SYNPO2: variants seen among roughly 807,000 people sequenced by gnomAD.
The protein encoded by SYNPO2 is synaptopodin 2.
A neutral mutation model predicts 85.0 loss-of-function variants in SYNPO2; 56 were observed. That is an observed-to-expected ratio of 0.66 (90% confidence interval 0.53 to 0.82). The LOEUF is 0.82. Ranked by LOEUF, SYNPO2 falls within the 40% of genes least tolerant of loss-of-function variation. The pLI, the probability that SYNPO2 is intolerant of heterozygous loss-of-function variation, is 0.00. For synonymous variants in SYNPO2, 602 were observed against 591.1 expected, an observed-to-expected ratio of 1.02 and a Z score of -0.27; for missense variants, 1,575 against 1,534.2, an observed-to-expected ratio of 1.03 and a Z score of -0.44.
intron 1 of SYNPO2, among the ~76,000 whole-genome samples, chr4:118,898,459 A>C (rs1236404183): frequency 6.6e-6 from 1 of 152,164 alleles, no homozygotes; most frequent in Non-Finnish European, 1.5e-5. Context: ...CACTGCTTAA[A>C]ATACTTCAAA....
At chr4:118,975,097 C>G (rs2149158822) in intron 1 of SYNPO2, among the ~76,000 whole-genome samples, 1 of 152,324 alleles carries the variant, frequency 6.6e-6, no homozygotes, top group South Asian at 2.1e-4. Flanking sequence ...GTCACACACA[C>G]CTTGCACCCA....
chr4:118,972,615 C>T (rs1052740427), intron 1 of SYNPO2, among the ~76,000 whole-genome samples: 4 of 152,130 alleles, frequency 2.6e-5, no homozygotes, highest in Admixed American at 2.6e-4. Context: ...GCAAATTTGT[C>T]TCTTAGGTGC....
chr4:118,979,345 A>C (rs992189293), intron 1 of SYNPO2, among the ~76,000 whole-genome samples: 8 of 152,192 alleles, frequency 5.3e-5, no homozygotes, highest in African/African-American at 1.9e-4. Context: ...TCACCTACAA[A>C]AGTCTTTGTA....
At chr4:118,908,920 A>T (rs577210072) in intron 1 of SYNPO2, among the ~76,000 whole-genome samples, 1 of 152,276 alleles carries the variant, frequency 6.6e-6, no homozygotes, top group African/African-American at 2.4e-5. Flanking sequence ...TTCCTGACCT[A>T]TCTGGTTGTT....
chr4:119,043,686 C>G (rs953000918), intron 4 of SYNPO2: 1 of 152,126 alleles, frequency 6.6e-6, no homozygotes, highest in Non-Finnish European at 1.5e-5. Context: ...GCCTGTAATC[C>G]CAGCACTTTG....
At chr4:119,040,422 C>A (rs1016651673) in intron 4 of SYNPO2, among the ~76,000 whole-genome samples, 1 of 152,060 alleles carries the variant, frequency 6.6e-6, no homozygotes, top group Non-Finnish European at 1.5e-5. Flanking sequence ...TGTTTACATT[C>A]CTCTGTATTC....
At chr4:118,880,449 A>T (rs1337939383) in intron 1 of SYNPO2, among the ~76,000 whole-genome samples, 5 of 152,180 alleles carry the variant, frequency 3.3e-5, no homozygotes, top group African/African-American at 1.2e-4. Context: ...GATTTTGTTC[A>T]TTTCAAATCA....
intron 3 of SYNPO2, among the ~76,000 whole-genome samples, chr4:119,028,741 A>G (rs1738085152): frequency 6.6e-6 from 1 of 151,852 alleles, no homozygotes; most frequent in Non-Finnish European, 1.5e-5. Flanking sequence ...TGTGACAAAA[A>G]GAGCTAATTT....
chr4:119,031,798 C>A lies in SYNPO2; in HGVS notation c.3023C>A (p.Pro1008His). The change falls in exon 4 of 5, where the codon CCC (proline) becomes CAC (histidine). Residue 1008 changes from proline to histidine, a missense_variant. By Grantham distance (77) the Pro-to-His change is moderately conservative. This residue lies in a region of SYNPO2 where 1,508 missense variants were observed against 1,446.8 expected (regional missense o/e 1.04). Coordinates refer to ENST00000307142, the MANE Select transcript of SYNPO2 (RefSeq NM_133477.3). ...CTGGCCATGAAGCAAGCTCTTCCTC[C>A]CCGGCCAGTGAATGCTGCCTCACCT... ...SALAMKQALPPRPVNAASPTN... is the reference protein window; with the variant it reads ...SALAMKQALPHRPVNAASPTN... 6.2e-7 allele frequency: 1 copy of A among 1,614,222 alleles called. No homozygotes were observed. The highest frequency in any genetic ancestry group is 8.5e-7 in the Non-Finnish European group (1 of 1,180,034).
chr4:119,051,276 G>A (rs1184807599), intron 4 of SYNPO2, among the ~76,000 whole-genome samples: 1 of 126,896 alleles, frequency 7.9e-6, no homozygotes, highest in Non-Finnish European at 1.6e-5. Context: ...TGCAAGCTCC[G>A]CCTCCCGGGT....
At chr4:119,020,455 C>T (rs12643940) in intron 1 of SYNPO2, among the ~76,000 whole-genome samples, 6,912 of 152,232 alleles carry the variant, frequency 0.045, 389 homozygotes, top group African/African-American at 0.13. Context: ...GTTTGGATAA[C>T]AGGCAGCTCT....
intron 1 of SYNPO2, among the ~76,000 whole-genome samples, chr4:118,973,801 C>A (rs1017151316): frequency 4.6e-5 from 7 of 152,038 alleles, no homozygotes; most frequent in African/African-American, 1.7e-4. Flanking sequence ...CTAGTTTGGT[C>A]CTGAAGTTAC....
At chr4:118,974,192 C>T (rs1735642060) in intron 1 of SYNPO2, among the ~76,000 whole-genome samples, 1 of 152,180 alleles carries the variant, frequency 6.6e-6, no homozygotes, top group Admixed American at 6.5e-5. Flanking sequence ...CAAAGGGAAT[C>T]AGCCGTAGCA....
chr4:118,977,529 C>A (rs1735836836), intron 1 of SYNPO2, among the ~76,000 whole-genome samples: 1 of 152,224 alleles, frequency 6.6e-6, no homozygotes, highest in African/African-American at 2.4e-5. Flanking sequence ...TCCTCAAATG[C>A]CACCAAAGTG....
At chr4:119,022,041 C>T (rs957994402) in intron 1 of SYNPO2, among the ~76,000 whole-genome samples, 6 of 151,888 alleles carry the variant, frequency 4.0e-5, no homozygotes, top group African/African-American at 1.2e-4. Context: ...TTCTTTTTTG[C>T]TAAAGTTTGC....
At chr4:118,873,077 C>T (rs1462263805) in intron 1 of SYNPO2, among the ~76,000 whole-genome samples, 2 of 152,052 alleles carry the variant, frequency 1.3e-5, no homozygotes, top group East Asian at 3.9e-4. Flanking sequence ...TATTTTCTTT[C>T]TCCAGTCATT....
At chr4:119,024,862 G>A (rs1737872053) in intron 2 of SYNPO2, among the ~76,000 whole-genome samples, 1 of 152,066 alleles carries the variant, frequency 6.6e-6, no homozygotes, top group Non-Finnish European at 1.5e-5. Flanking sequence ...TATCAGTAGA[G>A]GACAAGTGTT....
chr4:118,947,883 G>A (rs1440880920), intron 1 of SYNPO2, among the ~76,000 whole-genome samples: 1 of 152,116 alleles, frequency 6.6e-6, no homozygotes, highest in African/African-American at 2.4e-5. Flanking sequence ...AAATAATAAT[G>A]AGTAGACTGG....
chr4:119,037,266 C>T (rs983603435), intron 4 of SYNPO2: 4 of 1,450,012 alleles, frequency 2.8e-6, no homozygotes, highest in South Asian at 1.5e-5. Flanking sequence ...ATTTCTTGGG[C>T]TCCTTAATAA....
Sources: allele counts gnomAD v4.1 joint callset (sites outside exome capture counted in the v4.1 genomes callset), GRCh38; gene constraint gnomAD v4.1.1; regional missense constraint gnomAD v4.1.1; transcripts MANE v1.5; gene names NCBI Gene and HGNC (gene_info 2026-07-23, HGNC 2026-07-21).